UBXN11: variants seen among roughly 807,000 people sequenced by gnomAD.
UBXN11 encodes UBX domain protein 11, also known as UBX domain-containing protein 11.
In UBXN11, 47 loss-of-function variants were observed where a neutral mutation model predicts 62.8. That is an observed-to-expected ratio of 0.75 (90% CI 0.59 to 0.95). UBXN11 has a LOEUF of 0.95. Ranked by LOEUF, UBXN11 falls within the 40% of genes least tolerant of loss-of-function variation. The probability of loss-of-function intolerance (pLI) is 0.00; values close to 1 mark genes in which losing one functional copy is unlikely to be tolerated. For missense variants in UBXN11, 638 were observed against 661.7 expected, an observed-to-expected ratio of 0.96 and a Z score of 0.39; for synonymous variants, 294 against 267.0, an observed-to-expected ratio of 1.10 and a Z score of -0.99.
intron 1 of UBXN11, among the ~76,000 whole-genome samples, chr1:26,303,790 A>G (rs1192824464): frequency 6.6e-6 from 1 of 152,112 alleles, no homozygotes; most frequent in Non-Finnish European, 1.5e-5. Flanking sequence ...ATTCAGAGAT[A>G]ACAGAGAAGG....
chr1:26,313,782 C>CTTTTTT (rs56037016), intron 1 of UBXN11, among the ~76,000 whole-genome samples: 2 of 125,900 alleles, frequency 1.6e-5, no homozygotes, highest in South Asian at 2.4e-4. Context: ...AATTTTTTTT[C>CTTTTTT]TTTTTTTTTT....
chr1:26,303,630 C>A (rs866110671), intron 1 of UBXN11, among the ~76,000 whole-genome samples: 95 of 80,022 alleles, frequency 1.2e-3, no homozygotes, highest in East Asian at 4.8e-3. Flanking sequence ...AACTCCATCT[C>A]AAAAAAAAAA....
At chr1:26,284,525 T>A (rs1277687340) in intron 10 of UBXN11, 43 bp from the exon 11 acceptor site, 1 of 1,549,664 alleles carries the variant, frequency 6.5e-7, no homozygotes, top group Admixed American at 1.8e-5. Flanking sequence ...ACCCAGCTCT[T>A]CAGCCCTTGG....
chr1:26,294,210 T>C lies in UBXN11; in HGVS notation c.554A>G (p.Lys185Arg). 14 of 1,614,036 alleles carry C rather than the reference T, an allele frequency of 8.7e-6. No individual in the cohort carries two copies. Among genetic ancestry groups the C allele is most frequent in the Non-Finnish European group, 1.2e-5 (14 of 1,179,914 alleles). ...RDWMTAKKFW[K>R]PGDSLAPPEV... Reference sequence around the variant, plus strand: ...GGGCAGACGCCCTGCTCTACCTGGCTTCCAGAACTTCTTGGCTGTCATCCA... The same window carrying C: ...GGGCAGACGCCCTGCTCTACCTGGCCTCCAGAACTTCTTGGCTGTCATCCA... Residue 185 changes from lysine (K) to arginine (R), a missense_variant, in exon 8 of 15, where the codon AAG (lysine) becomes AGG (arginine). Physicochemically the swap from Lys to Arg is conservative, Grantham distance 26. Coordinates refer to ENST00000374222, the MANE Select transcript of UBXN11 (RefSeq NM_001389556.1).
At chr1:26,295,811 C>T (rs1472762561) in intron 7 of UBXN11, among the ~76,000 whole-genome samples, 1 of 152,226 alleles carries the variant, frequency 6.6e-6, no homozygotes, top group African/African-American at 2.4e-5. Context: ...AGGCGGGGGA[C>T]TATGTCTGTC....
intron 8 of UBXN11, among the ~76,000 whole-genome samples, chr1:26,286,279 A>G (rs1219622242): frequency 6.6e-6 from 1 of 152,250 alleles, no homozygotes; most frequent in Non-Finnish European, 1.5e-5. Context: ...TATAAAGGCT[A>G]TAATCACCTC....
chr1:26,308,144 T>TA (rs1375872473), upstream of UBXN11, among the ~76,000 whole-genome samples: 1 of 151,620 alleles, frequency 6.6e-6, no homozygotes, highest in Non-Finnish European at 1.5e-5. Context: ...CGCATGCCTG[T>TA]AATCCCAGCT....
chr1:26,317,012 TGAGATCAGGCATTC>T (rs1274795587), intron 1 of UBXN11, among the ~76,000 whole-genome samples: 2 of 151,508 alleles, frequency 1.3e-5, no homozygotes, highest in Admixed American at 1.3e-4. Context: ...GCGGATCACT[TGAGATCAGGCATTC>T]GAGACTAGCC....
chr1:26,284,862 A>T (rs2073090682), intron 10 of UBXN11: 1 of 1,019,376 alleles, frequency 9.8e-7, no homozygotes, highest in Admixed American at 5.6e-5. Flanking sequence ...ATCAAGGCAT[A>T]GCTCCGAGGT....
intron 8 of UBXN11, among the ~76,000 whole-genome samples, chr1:26,291,264 G>A (rs768129310): frequency 2.6e-5 from 4 of 152,214 alleles, no homozygotes; most frequent in Non-Finnish European, 4.4e-5. Flanking sequence ...GAGCAGGGTG[G>A]CACCTGGGGA....
intron 2 of UBXN11, among the ~76,000 whole-genome samples, chr1:26,302,362 TAAA>T (rs56003085): frequency 0.2 from 14,155 of 69,056 alleles, 1,681 homozygotes; most frequent in Middle Eastern, 0.26. Flanking sequence ...ACTTGGTCTT[TAAA>T]AAAAAAAAAA....
chr1:26,285,636 ACC>A (rs2124635257), intron 9 of UBXN11, 95 bp from the exon 10 acceptor site: 1 of 1,395,776 alleles, frequency 7.2e-7, no homozygotes, highest in East Asian at 2.4e-5. Context: ...ATCCAGGGTC[ACC>A]CAGTGCCGCA....
chr1:26,290,827 A>T (rs1402222442), intron 8 of UBXN11, among the ~76,000 whole-genome samples: 1 of 134,770 alleles, frequency 7.4e-6, no homozygotes, highest in African/African-American at 2.8e-5. Context: ...AGGAGTGAGG[A>T]GCTCAGAGAT....
At chr1:26,298,291 T>A (rs1008978939) in intron 4 of UBXN11, among the ~76,000 whole-genome samples, 1 of 152,110 alleles carries the variant, frequency 6.6e-6, no homozygotes, top group African/African-American at 2.4e-5. Flanking sequence ...CACAAAGGGA[T>A]CAAGTAATTT....
intron 4 of UBXN11, 78 bp downstream of exon 4, chr1:26,300,843 GGCCAT>G: frequency 6.2e-7 from 1 of 1,601,702 alleles, no homozygotes; most frequent in Non-Finnish European, 8.5e-7. Flanking sequence ...CGAGAGGAAG[GGCCAT>G]GCCTCCCTAG....
chr1:26,289,412 T>TGCACCTACTCCCTTGGCCCTCGTCACAG (rs2073206354), intron 8 of UBXN11, among the ~76,000 whole-genome samples: 1 of 151,972 alleles, frequency 6.6e-6, no homozygotes, highest in Admixed American at 6.6e-5. Context: ...CTGGAGCCCT[T>TGCACCTACTCCCTTGGCCCTCGTCACAG]GCACCTACTC....
At chr1:26,284,268 G>T (rs751265338) in intron 11 of UBXN11, 23 bp from the exon 12 acceptor site, 1 of 1,607,290 alleles carries the variant, frequency 6.2e-7, no homozygotes, top group South Asian at 1.1e-5. Context: ...TTGGGAACCG[G>T]GGCCCAGGAA....
At chr1:26,284,096 G>A (rs779631507) in intron 12 of UBXN11, 46 bp downstream of exon 12, 4 of 1,542,000 alleles carry the variant, frequency 2.6e-6, no homozygotes, top group Non-Finnish European at 2.6e-6. Flanking sequence ...CAGGGCTGGT[G>A]CTAAAGTTCC....
chr1:26,316,281 T>C (rs1183906213), intron 1 of UBXN11, among the ~76,000 whole-genome samples: 1 of 151,850 alleles, frequency 6.6e-6, no homozygotes, highest in African/African-American at 2.4e-5. Context: ...GTTTTTTTCT[T>C]TGGACTCAGC....
Sources: gnomAD v4.1 joint callset for allele counts (sites outside exome capture counted in the v4.1 genomes callset) on GRCh38, gnomAD v4.1.1 for gene constraint, MANE v1.5 for transcripts, NCBI Gene and HGNC (gene_info 2026-07-23, HGNC 2026-07-21) for gene names.